Variants in TNPO1 observed in about 807,000 individuals in gnomAD.
TNPO1 encodes transportin 1.
TNPO1 carries 8 observed loss-of-function variants against 119.5 expected under a neutral mutation model. The observed-to-expected ratio is 0.07, with a 90% CI of 0.04 to 0.12. TNPO1 has a LOEUF of 0.12. TNPO1 is among the 10% of genes least tolerant of loss of function. The probability of loss-of-function intolerance (pLI) is 1.00; values close to 1 mark genes in which losing one functional copy is unlikely to be tolerated. For synonymous variants in TNPO1, 362 were observed against 363.0 expected, an observed-to-expected ratio of 1.00 and a Z score of 0.03; for missense variants, 576 against 1,089.8, an observed-to-expected ratio of 0.53 and a Z score of 6.64.
chr5:72,862,990 TTTTGTGTGTGTGTGTG>T (rs1746579472), intron 5 of TNPO1, among the ~76,000 whole-genome samples: 1 of 97,534 alleles, frequency 1.0e-5, no homozygotes. Context: ...ACCTGTGGGT[TTTTGTGTGTGTGTGTG>T]TGTGTGTGTG....
chr5:72,839,051 T>C (rs1744807594), intron 1 of TNPO1, among the ~76,000 whole-genome samples: 1 of 152,150 alleles, frequency 6.6e-6, no homozygotes, highest in Non-Finnish European at 1.5e-5. Flanking sequence ...TTTAAAAAGC[T>C]TTTTTTCTTA....
intron 14 of TNPO1, 67 bp downstream of exon 14, chr5:72,890,024 T>C: frequency 6.5e-7 from 1 of 1,537,214 alleles, no homozygotes; most frequent in Non-Finnish European, 8.9e-7. Context: ...TAGATTAGCA[T>C]ATATTTGGAA....
intron 1 of TNPO1, 27 bp downstream of exon 1, chr5:72,816,779 C>G (rs1346711403): frequency 7.0e-6 from 11 of 1,579,662 alleles, no homozygotes; most frequent in Non-Finnish European, 8.6e-6. Flanking sequence ...TGCGCGGCCC[C>G]GAACTGCAGG....
rs1745910342 is a variant in TNPO1 at position 72,855,352 on chromosome 5, C to T, written c.206-422C>T. ...TCCAGCTCTATAATGATGTGTATATCAGGAAACAATAAAGCTTGAGCACAG... is the reference window on the plus strand; with the variant it reads ...TCCAGCTCTATAATGATGTGTATATTAGGAAACAATAAAGCTTGAGCACAG... On this transcript the variant is annotated intron_variant, in intron 3 of 24. Transcript: ENST00000337273. 3.9e-5 allele frequency among the ~76,000 whole-genome samples: 6 copies of T among 151,988 alleles called. No individual in the cohort carries two copies. In the South Asian group the frequency reaches 1.2e-3, roughly 32 times the overall value.
intron 21 of TNPO1, among the ~76,000 whole-genome samples, chr5:72,900,614 A>T (rs187889175): frequency 6.8e-4 from 103 of 152,306 alleles, no homozygotes; most frequent in African/African-American, 2.5e-3. Context: ...TTCAATTCAA[A>T]TCATTTTAGT....
At chr5:72,849,735 A>G (rs1255045619) in intron 2 of TNPO1, among the ~76,000 whole-genome samples, 1 of 152,224 alleles carries the variant, frequency 6.6e-6, no homozygotes, top group African/African-American at 2.4e-5. Flanking sequence ...CTGAGGAAAG[A>G]ACACTTTTGG....
chr5:72,864,196 G>C (rs907653934), intron 5 of TNPO1, among the ~76,000 whole-genome samples: 2 of 151,650 alleles, frequency 1.3e-5, no homozygotes, highest in Non-Finnish European at 2.9e-5. Flanking sequence ...TAAAATTCCT[G>C]ATATTTAATG....
intron 14 of TNPO1, among the ~76,000 whole-genome samples, chr5:72,890,736 T>A (rs1231765724): frequency 6.6e-6 from 1 of 152,198 alleles, no homozygotes; most frequent in African/African-American, 2.4e-5. Flanking sequence ...TTCTTTAGTT[T>A]GACACTTAAA....
chr5:72,818,324 A>C (rs1336868215), intron 1 of TNPO1, among the ~76,000 whole-genome samples: 2 of 152,234 alleles, frequency 1.3e-5, no homozygotes, highest in Non-Finnish European at 2.9e-5. Context: ...TTTTGTAAAA[A>C]TACATGATTC....
intron 3 of TNPO1, among the ~76,000 whole-genome samples, chr5:72,854,061 C>T (rs1338964649): frequency 6.6e-6 from 1 of 152,078 alleles, no homozygotes; most frequent in African/African-American, 2.4e-5. Context: ...AAACAATATA[C>T]TATATTTCTC....
At chr5:72,840,336 G>T (rs940645985) in intron 1 of TNPO1, among the ~76,000 whole-genome samples, 4 of 152,148 alleles carry the variant, frequency 2.6e-5, no homozygotes, top group African/African-American at 9.6e-5. Flanking sequence ...TCTGTAAAAT[G>T]GAGATAATTA....
chr5:72,834,510 A>G (rs1744606712), intron 1 of TNPO1, among the ~76,000 whole-genome samples: 1 of 152,238 alleles, frequency 6.6e-6, no homozygotes, highest in Non-Finnish European at 1.5e-5. Flanking sequence ...TTCATTTTTA[A>G]CAAAAAAGTT....
chr5:72,893,466 A>G lies in TNPO1; in HGVS notation c.1986A>G (p.Gly662=), dbSNP rs1749208989. ...ATTTACTGAGTGGCCTGGCTGAAGG[A>G]CTTGGAGGCAACATTGAACAGCTGG... ...ALDLLSGLAE[G]LGGNIEQLVA... Residue 662 remains glycine (G), a synonymous_variant, in exon 17 of 25, where the codon GGA becomes GGG. Transcript: ENST00000337273. 1.9e-6 allele frequency: 3 copies of G among 1,614,220 alleles called. No individual in the cohort carries two copies. Among genetic ancestry groups the G allele is most frequent in the Admixed American group, 1.7e-5 (1 of 60,032 alleles).
At chr5:72,825,221 C>T (rs763825722) in intron 1 of TNPO1, among the ~76,000 whole-genome samples, 2 of 152,176 alleles carry the variant, frequency 1.3e-5, no homozygotes, top group Admixed American at 6.5e-5. Context: ...AGTATTTTCT[C>T]AATACAGTAG....
intron 11 of TNPO1, among the ~76,000 whole-genome samples, chr5:72,883,949 CA>C (rs1342595271): frequency 1.3e-5 from 2 of 151,744 alleles, no homozygotes; most frequent in African/African-American, 2.4e-5. Flanking sequence ...ACAGTTTTGC[CA>C]TGTTGCCCAG....
Position 72,909,884 on chromosome 5 carries a change from C to A in TNPO1, c.*1211C>A, listed in dbSNP as rs959146621. ...TGCAAAATCTTTGCCTCTGTGCTGT[C>A]AGTGTGATGTGCTTTCTGCATGGTT... On this transcript the variant is annotated 3_prime_UTR_variant, in exon 25 of 25. Coordinates refer to ENST00000337273, the MANE Select transcript of TNPO1 (RefSeq NM_002270.4). 1.3e-5 allele frequency: 2 copies of A among 152,540 alleles called. No individual in the cohort carries two copies. The highest frequency in any genetic ancestry group is 2.9e-5 in the Non-Finnish European group (2 of 68,022). 9.4% of individuals were successfully genotyped at this position (152,540 alleles called of 1,614,324 possible).
At chr5:72,876,525 GTA>G (rs1256978586) in intron 8 of TNPO1, among the ~76,000 whole-genome samples, 1 of 152,154 alleles carries the variant, frequency 6.6e-6, no homozygotes, top group African/African-American at 2.4e-5. Context: ...ATTTCAGTAT[GTA>G]TATGTCACTT....
chr5:72,826,948 G>GT (rs1362515128), intron 1 of TNPO1, among the ~76,000 whole-genome samples: 2 of 151,930 alleles, frequency 1.3e-5, no homozygotes, highest in Non-Finnish European at 2.9e-5. Context: ...TTTACATTAA[G>GT]TTTTTTTAAT....
Position 72,909,979 on chromosome 5 carries a change from G to C in TNPO1, c.*1306G>C, listed in dbSNP as rs1352564804. The C allele has an allele frequency of 6.6e-6, 1 of 152,606 alleles. No homozygotes were observed. Among genetic ancestry groups the C allele is most frequent in the African/African-American group, 2.4e-5 (1 of 41,460 alleles). The allele number at this position is 152,606 out of a possible 1,614,324, so 9.5% of individuals were successfully genotyped here. Reference sequence around the variant, plus strand: ...CGTGGTAAAAGATCTGTAAAAGGCTGCATAAATGTTAGTTGGCACATAAAG... The same window carrying C: ...CGTGGTAAAAGATCTGTAAAAGGCTCCATAAATGTTAGTTGGCACATAAAG... On this transcript the variant is annotated 3_prime_UTR_variant, in exon 25 of 25. Coordinates refer to ENST00000337273, the MANE Select transcript of TNPO1 (RefSeq NM_002270.4).
Sources: allele counts gnomAD v4.1 joint callset (sites outside exome capture counted in the v4.1 genomes callset), GRCh38; gene constraint gnomAD v4.1.1; transcripts MANE v1.5; gene names NCBI Gene and HGNC (gene_info 2026-07-23, HGNC 2026-07-21).